Variants in NDST4 observed in about 807,000 individuals in gnomAD.
NDST4 encodes the protein N-heparan sulfate sulfotransferase 4.
In NDST4, 63 loss-of-function variants were observed where a neutral mutation model predicts 100.8. The ratio of observed to expected loss-of-function variants is 0.62; its 90% CI spans 0.51 to 0.77. The LOEUF (loss-of-function observed/expected upper bound fraction) is 0.77, where lower values mean the gene tolerates loss of function less well. NDST4 is among the 30% of genes least tolerant of loss of function. The pLI, the probability that NDST4 is intolerant of heterozygous loss-of-function variation, is 0.00. For synonymous variants in NDST4, 377 were observed against 361.8 expected (o/e 1.04, Z -0.48); for missense variants, 943 against 1,018.4 (o/e 0.93, Z 1.01).
At chr4:114,924,074 T>C (rs1725339868) in intron 6 of NDST4, among the ~76,000 whole-genome samples, 1 of 152,110 alleles carries the variant, frequency 6.6e-6, no homozygotes, top group African/African-American at 2.4e-5. Context: ...ATCTCTCTCT[T>C]ATTTCATGAG....
At chr4:114,866,999 T>C (rs60799234) in intron 7 of NDST4, among the ~76,000 whole-genome samples, 11,782 of 152,210 alleles carry the variant, frequency 0.077, 538 homozygotes, top group East Asian at 0.13. Flanking sequence ...AACCACCATC[T>C]TGTGGTTGAA....
chr4:115,073,535 A>C (rs1450998034), intron 2 of NDST4, among the ~76,000 whole-genome samples: 2 of 151,982 alleles, frequency 1.3e-5, no homozygotes, highest in East Asian at 3.9e-4. Context: ...GAACTAGAGG[A>C]CATTATGTTA....
chr4:114,925,185 T>G (rs1417980178), intron 6 of NDST4, among the ~76,000 whole-genome samples: 1 of 152,144 alleles, frequency 6.6e-6, no homozygotes, highest in South Asian at 2.1e-4. Context: ...TCTATTTCTA[T>G]AAACCACAAT....
At chr4:115,034,692 T>C (rs558186911) in intron 2 of NDST4, among the ~76,000 whole-genome samples, 3 of 152,162 alleles carry the variant, frequency 2.0e-5, no homozygotes, top group Non-Finnish European at 4.4e-5. Context: ...GGGAGTGACA[T>C]TGGTTGATGA....
chr4:114,923,925 G>A (rs1578391413), intron 6 of NDST4, among the ~76,000 whole-genome samples: 2 of 150,500 alleles, frequency 1.3e-5, no homozygotes. Flanking sequence ...TTTATTTTTC[G>A]ATGGAAACAA....
At chr4:114,884,500 A>G (rs758399829) in intron 6 of NDST4, among the ~76,000 whole-genome samples, 8 of 152,158 alleles carry the variant, frequency 5.3e-5, no homozygotes, top group Admixed American at 4.6e-4. Flanking sequence ...CTCAACAAAC[A>G]TATAACCATA....
At chr4:114,959,527 T>G (rs1726213745) in intron 4 of NDST4, among the ~76,000 whole-genome samples, 1 of 152,152 alleles carries the variant, frequency 6.6e-6, no homozygotes, top group Non-Finnish European at 1.5e-5. Flanking sequence ...ATTCACTGTC[T>G]GGAGAACAGC....
At chr4:114,906,787 T>A (rs1724959211) in intron 6 of NDST4, among the ~76,000 whole-genome samples, 2 of 152,004 alleles carry the variant, frequency 1.3e-5, no homozygotes, top group Non-Finnish European at 2.9e-5. Flanking sequence ...AAGCCATGCC[T>A]CCAATCAACT....
At chr4:114,842,618 T>TAAAAAAAAAAACAAAAAAAAAAAAAA (rs1723450979) in intron 10 of NDST4, 1 of 38,876 alleles carries the variant, frequency 2.6e-5, no homozygotes, top group Non-Finnish European at 4.8e-5. Context: ...CAGTCTCTAC[T>TAAAAAAAAAAACAAAAAAAAAAAAAA]AAAAAAAAAA....
chr4:115,059,371 C>T (rs1728769912), intron 2 of NDST4, among the ~76,000 whole-genome samples: 1 of 152,056 alleles, frequency 6.6e-6, no homozygotes, highest in African/African-American at 2.4e-5. Context: ...TATCTCCTCT[C>T]CACACTGTGA....
chr4:114,993,483 C>T (rs1264908841), intron 2 of NDST4, among the ~76,000 whole-genome samples: 1 of 151,928 alleles, frequency 6.6e-6, no homozygotes, highest in African/African-American at 2.4e-5. Context: ...GCTCACTCAG[C>T]ATTAATTGCA....
chr4:115,029,257 T>C (rs1242128315), intron 2 of NDST4, among the ~76,000 whole-genome samples: 3 of 152,034 alleles, frequency 2.0e-5, no homozygotes, highest in Non-Finnish European at 4.4e-5. Context: ...AGCATGTTAA[T>C]AGGGTGTGAA....
chr4:114,847,293 G>A (rs2126186694), intron 9 of NDST4, among the ~76,000 whole-genome samples: 1 of 132,352 alleles, frequency 7.6e-6, no homozygotes, highest in East Asian at 2.1e-4. Context: ...GGAGAATGGC[G>A]TGAACCCGGG....
intron 10 of NDST4, among the ~76,000 whole-genome samples, chr4:114,843,078 C>T (rs1723467560): frequency 6.6e-6 from 1 of 152,020 alleles, no homozygotes; most frequent in Non-Finnish European, 1.5e-5. Flanking sequence ...TGATATAGTA[C>T]TAGACTCATC....
In NDST4 at chr4:114,846,135, T is replaced by C. The variant is rs554131173; in HGVS notation, c.1941-138A>G. 1.1e-3 allele frequency: 854 copies of C among 752,208 alleles called. 2 individuals are homozygous for C. The highest frequency in any genetic ancestry group is 2.5e-3 in the East Asian group (89 of 36,028). 46.6% of individuals were successfully genotyped at this position (752,208 alleles called of 1,614,324 possible). On this transcript the variant is annotated intron_variant, in intron 9 of 13. Coordinates refer to ENST00000264363, the MANE Select transcript of NDST4 (RefSeq NM_022569.3). ...ATGCTGTTATAGTTTAAATAATAGA[T>C]ATTCTATACACATTGAATGTGAAGT...
intron 6 of NDST4, among the ~76,000 whole-genome samples, chr4:114,906,244 G>A (rs982868715): frequency 6.6e-6 from 1 of 152,078 alleles, no homozygotes. Flanking sequence ...TATTTAGAAA[G>A]AAAAATTGTG....
intron 1 of NDST4, among the ~76,000 whole-genome samples, chr4:115,111,886 A>G (rs1189324833): frequency 6.6e-6 from 1 of 151,896 alleles, no homozygotes; most frequent in African/African-American, 2.4e-5. Context: ...ATTGATCATC[A>G]TAATGTATTG....
At chr4:114,941,290 T>A (rs1404607409) in intron 4 of NDST4, among the ~76,000 whole-genome samples, 1 of 152,170 alleles carries the variant, frequency 6.6e-6, no homozygotes, top group African/African-American at 2.4e-5. Flanking sequence ...TCTAGATTCA[T>A]CATCTTTGCT....
At chr4:115,067,459 C>T (rs973435749) in intron 2 of NDST4, among the ~76,000 whole-genome samples, 7 of 151,818 alleles carry the variant, frequency 4.6e-5, no homozygotes, top group African/African-American at 7.3e-5. Context: ...TCTGTACTAA[C>T]GTTCATAGGA....
Sources: gnomAD v4.1 joint callset for allele counts (sites outside exome capture counted in the v4.1 genomes callset) on GRCh38, gnomAD v4.1.1 for gene constraint, MANE v1.5 for transcripts, NCBI Gene and HGNC (gene_info 2026-07-23, HGNC 2026-07-21) for gene names.